CFAP74: variants seen among roughly 807,000 people sequenced by gnomAD.
The protein encoded by CFAP74 is cilia and flagella associated protein 74.
In CFAP74, 124 loss-of-function variants were observed where a neutral mutation model predicts 188.9. The observed-to-expected ratio is 0.66, with a 90% CI of 0.57 to 0.76. The LOEUF (loss-of-function observed/expected upper bound fraction) is 0.76. Ranked by LOEUF, CFAP74 falls within the 30% of genes least tolerant of loss-of-function variation. CFAP74 has a pLI of 0.00. For missense variants in CFAP74, 2,198 were observed against 2,165.2 expected (o/e 1.02, Z -0.30); for synonymous variants, 956 against 916.7 (o/e 1.04, Z -0.77).
chr1:1,955,411 C>T (rs746648146), intron 18 of CFAP74: 59 of 1,437,028 alleles, frequency 4.1e-5, no homozygotes, highest in South Asian at 2.1e-4. Flanking sequence ...GCCTCTTCCC[C>T]GCCCTGTGCG....
Position 1,965,001 on chromosome 1 carries a change from G to C in CFAP74, c.1462C>G (p.Leu488Val). ...CGCAGCCGCTCCACCGTGCGCTCCAGGATGTCCTTGTCCATCTTTGTCCCG... is the reference window on the plus strand; with the variant it reads ...CGCAGCCGCTCCACCGTGCGCTCCACGATGTCCTTGTCCATCTTTGTCCCG... ...VGGTKMDKDI[L>V]ERTVERLRSR... The change falls in exon 13 of 39, where the codon CTG becomes GTG. Residue 488 changes from leucine to valine, a missense_variant. Leu to Val is a conservative substitution (Grantham distance 32, BLOSUM62 1). Transcript: ENST00000682832. 2 of 1,613,340 alleles carry C rather than the reference G, an allele frequency of 1.2e-6. No homozygotes were observed. The highest frequency in any genetic ancestry group is 1.7e-6 in the Non-Finnish European group (2 of 1,179,648).
chr1:1,949,027 T>TCTCC (rs1225248670), intron 18 of CFAP74, among the ~76,000 whole-genome samples: 5 of 74,006 alleles, frequency 6.8e-5, no homozygotes, highest in African/African-American at 2.9e-4. Context: ...TCCTTCCTTC[T>TCTCC]CTCCCTCCCT....
At chr1:1,927,174 T>A in intron 28 of CFAP74, 146 bp from the exon 29 acceptor site, 1 of 883,136 alleles carries the variant, frequency 1.1e-6, no homozygotes, top group Non-Finnish European at 1.7e-6. Context: ...AACTGGCTTT[T>A]CCACCCTTCT....
intron 11 of CFAP74, among the ~76,000 whole-genome samples, chr1:1,966,736 A>G (rs908270622): frequency 6.6e-6 from 1 of 152,158 alleles, no homozygotes; most frequent in African/African-American, 2.4e-5. Flanking sequence ...ATTTTTCTAC[A>G]ATGCTCAGAA....
intron 21 of CFAP74, among the ~76,000 whole-genome samples, 191 bp downstream of exon 21, chr1:1,944,140 C>G (rs1256837062): frequency 5.3e-5 from 8 of 152,328 alleles, no homozygotes; most frequent in Non-Finnish European, 1.5e-5. Flanking sequence ...CCGTGGCAGC[C>G]CCAGGTGCCA....
intron 25 of CFAP74, among the ~76,000 whole-genome samples, chr1:1,936,213 G>A (rs1406896902): frequency 5.3e-5 from 7 of 131,798 alleles, no homozygotes; most frequent in Admixed American, 3.1e-4. Context: ...GCGATGCTCC[G>A]TCTCAAAAAA....
In CFAP74 at chr1:1,942,220, C is replaced by A; in HGVS notation, c.2487-64G>T. The A allele has an allele frequency of 7.3e-7, 1 of 1,372,454 alleles. No homozygotes were observed. The highest frequency in any genetic ancestry group is 2.8e-5 in the East Asian group (1 of 35,552). 85.0% of individuals were successfully genotyped at this position (1,372,454 alleles called of 1,614,324 possible). On this transcript the variant is annotated intron_variant, in intron 21 of 38. Coordinates refer to ENST00000682832, the MANE Select transcript of CFAP74 (RefSeq NM_001304360.2). The surrounding 1 kb of genome is among the most constrained non-coding windows in gnomAD (Gnocchi z 4.3). ...GTCGTGATTCTGTGTGCGCTCAATGCCTGGAGTTATTAAAACATTTCTGGC... is the reference window on the plus strand; with the variant it reads ...GTCGTGATTCTGTGTGCGCTCAATGACTGGAGTTATTAAAACATTTCTGGC...
intron 1 of CFAP74, among the ~76,000 whole-genome samples, chr1:1,991,972 G>A (rs964155013): frequency 1.1e-4 from 16 of 150,334 alleles, no homozygotes; most frequent in Non-Finnish European, 2.1e-4. Flanking sequence ...CCCAGGAGGC[G>A]GAGCTTGCAG....
chr1:1,986,733 C>T (rs957779972), intron 5 of CFAP74, among the ~76,000 whole-genome samples: 3 of 152,246 alleles, frequency 2.0e-5, no homozygotes, highest in African/African-American at 4.8e-5. Flanking sequence ...TCGGCCTTGC[C>T]TCCCAGAGAT....
At chr1:1,965,180 G>T in intron 12 of CFAP74, 119 bp from the exon 13 acceptor site, 1 of 982,014 alleles carries the variant, frequency 1.0e-6, no homozygotes, top group Non-Finnish European at 1.5e-6. Context: ...CCCACCGGCT[G>T]CCACCAGCGC....
chr1:1,958,067 C>T (rs1409777251), intron 16 of CFAP74, among the ~76,000 whole-genome samples: 2 of 152,250 alleles, frequency 1.3e-5, no homozygotes, highest in East Asian at 1.9e-4. Context: ...ACTTCTCTCT[C>T]TGCCACCATC....
intron 6 of CFAP74, among the ~76,000 whole-genome samples, chr1:1,981,725 G>C (rs1656875207): frequency 1.1e-4 from 15 of 136,014 alleles, no homozygotes; most frequent in East Asian, 4.6e-4. Context: ...GCCGCGGACA[G>C]ACACGGGGGC....
At chr1:1,960,104 C>T in intron 14 of CFAP74, 74 bp from the exon 15 acceptor site, 1 of 1,346,860 alleles carries the variant, frequency 7.4e-7, no homozygotes, top group Non-Finnish European at 1.0e-6. Flanking sequence ...ACCCAGAGCA[C>T]AGTCAGGCTG....
intron 4 of CFAP74, chr1:1,988,057 C>A: frequency 2.1e-6 from 1 of 467,394 alleles, no homozygotes. Context: ...CATCCTCTGG[C>A]CTCAGCCTCC....
intron 16 of CFAP74, among the ~76,000 whole-genome samples, chr1:1,957,082 G>A (rs532114243): frequency 2.0e-5 from 3 of 152,348 alleles, no homozygotes; most frequent in Non-Finnish European, 4.4e-5. Flanking sequence ...GCCTGGACAC[G>A]GGGCTTTGGA....
intron 25 of CFAP74, 92 bp downstream of exon 25, chr1:1,938,763 T>C: frequency 7.1e-7 from 1 of 1,413,490 alleles, no homozygotes; most frequent in Non-Finnish European, 9.5e-7. Context: ...GCAGATGGGG[T>C]CAGGGGCGGG....
In CFAP74 at chr1:1,991,843, T is replaced by G. The variant is rs530927015; in HGVS notation, c.-19-868A>C. Among the ~76,000 whole-genome samples the G allele has an allele frequency of 4.3e-4, 66 of 151,952 alleles. 1 individual carries two copies. The highest frequency in any genetic ancestry group is 1.2e-3 in the Admixed American group (19 of 15,258). Reference sequence around the variant, plus strand: ...TCACGAGGTCAGGAGATCGAGACTATCCTGGCTAGCACAGTGAAACCCCAT... The same window carrying G: ...TCACGAGGTCAGGAGATCGAGACTAGCCTGGCTAGCACAGTGAAACCCCAT... On this transcript the variant is annotated intron_variant, in intron 1 of 38. Coordinates refer to ENST00000682832, the MANE Select transcript of CFAP74 (RefSeq NM_001304360.2).
At position 1,964,045 on chromosome 1, in the gene CFAP74, G is replaced by A. The variant is rs548746421; in HGVS notation, c.1576-178C>T. ...GAGAAGGCCCCTGGGGTGCATGAAG[G>A]ACAGGTCTGGGGGTGGAACCTGTCA... On this transcript the variant is annotated intron_variant, in intron 13 of 38. Coordinates refer to ENST00000682832, the MANE Select transcript of CFAP74 (RefSeq NM_001304360.2). 2.0e-5 allele frequency among the ~76,000 whole-genome samples: 3 copies of A among 152,328 alleles called. No individual in the cohort carries two copies. In the South Asian group the frequency reaches 6.2e-4, roughly 32 times the overall value.
chr1:1,961,188 G>A (rs1012377007), intron 14 of CFAP74, among the ~76,000 whole-genome samples: 1 of 152,186 alleles, frequency 6.6e-6, no homozygotes, highest in African/African-American at 2.4e-5. Context: ...GTTTCAAAAG[G>A]AGGAGCAGGA....
Sources: gnomAD v4.1 joint callset for allele counts (sites outside exome capture counted in the v4.1 genomes callset) on GRCh38, gnomAD v4.1.1 for gene constraint, Gnocchi (gnomAD v3.1) non-coding constraint, MANE v1.5 for transcripts, NCBI Gene and HGNC (gene_info 2026-07-23, HGNC 2026-07-21) for gene names.